The following CHN1 variants were observed in gnomAD, a reference collection of about 807,000 sequenced individuals.
The protein encoded by CHN1 is N-chimaerin.
Under a neutral mutation model 59.5 loss-of-function variants are expected in CHN1, and 37 were observed. The ratio of observed to expected loss-of-function variants is 0.62; its 90% CI spans 0.48 to 0.82. The LOEUF is 0.82. Ranked by LOEUF, CHN1 falls within the 40% of genes least tolerant of loss-of-function variation. The probability of loss-of-function intolerance (pLI) is 0.00; values close to 1 mark genes in which losing one functional copy is unlikely to be tolerated. For missense variants in CHN1, 469 were observed against 571.0 expected (o/e 0.82, Z 1.82); for synonymous variants, 206 against 200.4 (o/e 1.03, Z -0.24).
At chr2:174,953,822 G>A (rs1307212543) in intron 1 of CHN1, among the ~76,000 whole-genome samples, 1 of 152,136 alleles carries the variant, frequency 6.6e-6, no homozygotes, top group Non-Finnish European at 1.5e-5. Flanking sequence ...CACATCCCAT[G>A]CTCACGGATG....
intron 1 of CHN1, among the ~76,000 whole-genome samples, chr2:174,962,031 A>G (rs1174050025): frequency 6.6e-6 from 1 of 152,282 alleles, no homozygotes; most frequent in South Asian, 2.1e-4. Flanking sequence ...TCACGCCTGT[A>G]ATCACAGCAC....
chr2:174,814,151 G>C (rs1350296344), intron 8 of CHN1, among the ~76,000 whole-genome samples: 7 of 152,196 alleles, frequency 4.6e-5, no homozygotes, highest in Admixed American at 4.6e-4. Flanking sequence ...CATGTACAAA[G>C]ACAGGCTAGG....
chr2:174,860,065 CAG>C (rs1290208211), intron 6 of CHN1, among the ~76,000 whole-genome samples: 1 of 152,118 alleles, frequency 6.6e-6, no homozygotes, highest in Admixed American at 6.6e-5. Context: ...GGGCTTCAAA[CAG>C]AGTTACTGAG....
intron 8 of CHN1, among the ~76,000 whole-genome samples, chr2:174,821,254 CT>C (rs1433376199): frequency 6.6e-6 from 1 of 152,142 alleles, no homozygotes; most frequent in Non-Finnish European, 1.5e-5. Flanking sequence ...CTTTCCTTGC[CT>C]TTTCCAGTTT....
chr2:174,808,482 ACC>A (rs1473561389), intron 11 of CHN1, among the ~76,000 whole-genome samples: 3 of 152,116 alleles, frequency 2.0e-5, no homozygotes, highest in African/African-American at 7.2e-5. Flanking sequence ...ATGGGGTTTC[ACC>A]ATGTTGGCCA....
At chr2:174,813,882 T>A (rs1353115735) in intron 8 of CHN1, among the ~76,000 whole-genome samples, 1 of 152,206 alleles carries the variant, frequency 6.6e-6, no homozygotes, top group Non-Finnish European at 1.5e-5. Flanking sequence ...TGAGAATTAA[T>A]GAGCCAATGC....
intron 2 of CHN1, among the ~76,000 whole-genome samples, chr2:174,946,705 C>A (rs1288601366): frequency 6.6e-6 from 1 of 151,950 alleles, no homozygotes; most frequent in Non-Finnish European, 1.5e-5. Context: ...ATGTGTATCA[C>A]CCCATGATAT....
At chr2:174,956,568 C>G (rs1690211610) in intron 1 of CHN1, among the ~76,000 whole-genome samples, 3 of 151,858 alleles carry the variant, frequency 2.0e-5, no homozygotes, top group South Asian at 2.1e-4. Flanking sequence ...GTGAGGAACT[C>G]GAGACCAGCC....
intron 7 of CHN1, among the ~76,000 whole-genome samples, chr2:174,843,182 T>C (rs989692109): frequency 6.6e-5 from 10 of 152,262 alleles, no homozygotes; most frequent in South Asian, 2.1e-4. Context: ...AAAATAAATA[T>C]AGAGGATTTC....
At chr2:174,916,036 C>T (rs1318594990) in intron 4 of CHN1, among the ~76,000 whole-genome samples, 1 of 152,176 alleles carries the variant, frequency 6.6e-6, no homozygotes, top group Non-Finnish European at 1.5e-5. Flanking sequence ...CAAATGCAGA[C>T]ACAGGCTTTC....
chr2:174,808,191 AGAAACT>A (rs1301680321), intron 11 of CHN1, among the ~76,000 whole-genome samples: 1 of 152,264 alleles, frequency 6.6e-6, no homozygotes, highest in Non-Finnish European at 1.5e-5. Flanking sequence ...ATACAAGCAC[AGAAACT>A]GAGAATAAGA....
intron 5 of CHN1, among the ~76,000 whole-genome samples, chr2:174,912,116 G>A (rs996315938): frequency 1.4e-4 from 21 of 151,808 alleles, no homozygotes; most frequent in African/African-American, 4.8e-4. Context: ...TGAAAAATAC[G>A]GAAATATAAA....
chr2:174,811,629 T>G (rs1007937542), intron 9 of CHN1, 41 bp from the exon 10 acceptor site: 1 of 1,296,122 alleles, frequency 7.7e-7, no homozygotes, highest in African/African-American at 1.5e-5. Context: ...ATTATGCCTT[T>G]TCTTCAGATT....
At chr2:174,876,438 A>C (rs558572182) in intron 6 of CHN1, among the ~76,000 whole-genome samples, 3 of 152,328 alleles carry the variant, frequency 2.0e-5, no homozygotes, top group Admixed American at 2.0e-4. Context: ...AAATGCCATA[A>C]ATGGAAAATC....
chr2:175,004,814 G>T (rs1262449685), intron 1 of CHN1, 80 bp downstream of exon 1: 6 of 917,860 alleles, frequency 6.5e-6, no homozygotes, highest in African/African-American at 5.4e-5. Flanking sequence ...CTCCCCGGGC[G>T]CCCAGGCCCC....
At position 174,991,785 on chromosome 2, in the gene CHN1, T is replaced by C. The variant is rs73031960; in HGVS notation, c.19+13109A>G. Among the ~76,000 whole-genome samples, 485 of 152,350 alleles carry C rather than the reference T, an allele frequency of 3.2e-3. 1 individual carries two copies. Among genetic ancestry groups the C allele is most frequent in the African/African-American group, 9.3e-3 (387 of 41,576 alleles). On this transcript the variant is annotated intron_variant, in intron 1 of 12. Coordinates refer to ENST00000409900, the MANE Select transcript of CHN1 (RefSeq NM_001822.7). ...ATGCTTTATATTTCTACCCTGGAAA[T>C]TGTTAAGCTACAGGAATACCATGGT...
chr2:174,804,006 G>T (rs1413475299), intron 11 of CHN1, among the ~76,000 whole-genome samples: 3 of 152,180 alleles, frequency 2.0e-5, no homozygotes, highest in Non-Finnish European at 4.4e-5. Flanking sequence ...TCCTGCACAT[G>T]GGGAGCTTAC....
At chr2:174,818,633 T>A (rs1051484781) in intron 8 of CHN1, among the ~76,000 whole-genome samples, 1 of 132,538 alleles carries the variant, frequency 7.5e-6, no homozygotes, top group East Asian at 1.9e-4. Context: ...TAAACCACAT[T>A]TTTTTTTATG....
At position 174,933,702 on chromosome 2, in the gene CHN1, A is replaced by AT. The variant is rs538235062; in HGVS notation, c.114+11185dup. Reference sequence around the variant, plus strand: ...TTTTTAAGATAGGAGAAATAATAGGATATTTGTGGGCTGACGAAAATGATC... The same window carrying AT: ...TTTTTAAGATAGGAGAAATAATAGGATTATTTGTGGGCTGACGAAAATGATC... On this transcript the variant is annotated intron_variant, in intron 3 of 12. Transcript: ENST00000409900. Among the ~76,000 whole-genome samples the AT allele has an allele frequency of 3.8e-4, 58 of 152,312 alleles. No homozygotes were observed. In the South Asian group the frequency reaches 0.011, roughly 30 times the overall value.
Sources: allele counts gnomAD v4.1 joint callset (sites outside exome capture counted in the v4.1 genomes callset), GRCh38; gene constraint gnomAD v4.1.1; transcripts MANE v1.5; gene names NCBI Gene and HGNC (gene_info 2026-07-23, HGNC 2026-07-21).